Variants in LRRC37A2 observed in about 807,000 individuals in gnomAD.
LRRC37A2 encodes the protein leucine-rich repeat-containing protein 37A2.
A neutral mutation model predicts 68.8 loss-of-function variants in LRRC37A2; 9 were observed. That is an observed-to-expected ratio of 0.13 (90% confidence interval 0.08 to 0.23). The LOEUF (loss-of-function observed/expected upper bound fraction) is 0.23, where lower values mean the gene tolerates loss of function less well. Among genes scored for constraint, LRRC37A2 ranks in the 10% least tolerant of loss-of-function variants. The pLI is 1.00. For missense variants in LRRC37A2, 168 were observed against 950.4 expected (o/e 0.18, Z 10.82); for synonymous variants, 63 against 367.6 (o/e 0.17, Z 9.48).
chr17:46,872,574 G>C, the LRRC37A2 span: 41 of 1,599,990 alleles, frequency 2.6e-5, no homozygotes, highest in Non-Finnish European at 3.2e-5. Flanking sequence ...CGGCAGCCCC[G>C]GCACAGGGCG....
the LRRC37A2 span, among the ~76,000 whole-genome samples, chr17:46,739,808 C>T: frequency 2.0e-5 from 3 of 152,020 alleles, no homozygotes; most frequent in Non-Finnish European, 4.4e-5. Flanking sequence ...AAGCAATTCT[C>T]ATGCCTCAGC....
the LRRC37A2 span, among the ~76,000 whole-genome samples, chr17:46,413,337 TA>T: frequency 2.2e-4 from 16 of 74,166 alleles, no homozygotes; most frequent in African/African-American, 3.3e-4. Context: ...CTTTAAAACT[TA>T]AAAAAAAATT....
chr17:46,955,185 G>A, the LRRC37A2 span, among the ~76,000 whole-genome samples: 7 of 151,200 alleles, frequency 4.6e-5, no homozygotes, highest in East Asian at 1.9e-4. Flanking sequence ...TTTGAGATAC[G>A]TCCCATCAAT....
At chr17:46,537,161 CTTT>C (rs1212155417) in intron 6 of LRRC37A2, among the ~76,000 whole-genome samples, 13 of 7,774 alleles carry the variant, frequency 1.7e-3, no homozygotes, top group Admixed American at 3.7e-3. Flanking sequence ...TTGGATGTCT[CTTT>C]TTTTTTTTTT....
the LRRC37A2 span, among the ~76,000 whole-genome samples, chr17:46,731,991 T>A: frequency 1.3e-5 from 2 of 152,220 alleles, no homozygotes; most frequent in Non-Finnish European, 2.9e-5. Flanking sequence ...TATTAGTCAT[T>A]GTAAAATGGA....
the LRRC37A2 span, among the ~76,000 whole-genome samples, chr17:46,972,093 T>C: frequency 6.4e-4 from 8 of 12,590 alleles, no homozygotes; most frequent in Admixed American, 4.4e-3. Flanking sequence ...CCCCGCTTTA[T>C]GTTCTATAGA....
the LRRC37A2 span, among the ~76,000 whole-genome samples, chr17:46,851,988 G>C: frequency 6.6e-6 from 1 of 152,128 alleles, no homozygotes; most frequent in Admixed American, 6.5e-5. This position sits in a 1 kb window ranked among gnomAD's most constrained non-coding sequence, Gnocchi z 4.3. Context: ...GCCGGGTCTC[G>C]GACTCTGCGC....
At chr17:46,964,032 C>T in the LRRC37A2 span, 2 of 152,382 alleles carry the variant, frequency 1.3e-5, no homozygotes, top group Admixed American at 6.5e-5. Context: ...AGGCTGATCT[C>T]AAACTCCTGA....
At chr17:46,908,250 G>A in the LRRC37A2 span, among the ~76,000 whole-genome samples, 2 of 147,226 alleles carry the variant, frequency 1.4e-5, no homozygotes, top group African/African-American at 2.4e-5. Flanking sequence ...GTCAGGACAC[G>A]TTGGCCTCAT....
the LRRC37A2 span, among the ~76,000 whole-genome samples, chr17:46,738,373 C>G: frequency 6.6e-6 from 1 of 152,156 alleles, no homozygotes; most frequent in Non-Finnish European, 1.5e-5. Context: ...TTCATTTTTT[C>G]TAAATGACTG....
chr17:46,855,400 A>T, the LRRC37A2 span, among the ~76,000 whole-genome samples: 3 of 152,210 alleles, frequency 2.0e-5, no homozygotes, highest in African/African-American at 7.2e-5. Flanking sequence ...TGGCAGTGGG[A>T]CAGGAGGCGG....
At chr17:46,890,889 C>A in the LRRC37A2 span, among the ~76,000 whole-genome samples, 6 of 152,156 alleles carry the variant, frequency 3.9e-5, no homozygotes, top group Non-Finnish European at 8.8e-5. Context: ...TTCAGTGGGC[C>A]TGGTATTGAG....
the LRRC37A2 span, chr17:46,978,553 A>G: frequency 1.6e-5 from 23 of 1,436,240 alleles, no homozygotes; most frequent in South Asian, 3.1e-4. Flanking sequence ...GCCCGCCCGG[A>G]GGCGGCGGCA....
At chr17:46,770,044 G>C in the LRRC37A2 span, 2 of 1,546,146 alleles carry the variant, frequency 1.3e-6, no homozygotes, top group East Asian at 2.4e-5. Flanking sequence ...CCGACTCGCG[G>C]GTGGCTGCGG....
the LRRC37A2 span, among the ~76,000 whole-genome samples, chr17:46,742,152 A>G: frequency 2.6e-5 from 4 of 152,338 alleles, no homozygotes; most frequent in East Asian, 7.7e-4. Context: ...ATAGCTAATC[A>G]ATTGATTAAA....
chr17:47,006,079 G>A, the LRRC37A2 span, among the ~76,000 whole-genome samples: 1 of 152,198 alleles, frequency 6.6e-6, no homozygotes, highest in Non-Finnish European at 1.5e-5. Flanking sequence ...GCCTGAGGCA[G>A]GAGAATTGCT....
chr17:46,919,878 C>CGG, the LRRC37A2 span, among the ~76,000 whole-genome samples: 7 of 152,006 alleles, frequency 4.6e-5, no homozygotes, highest in South Asian at 6.3e-4. Context: ...ACCCAGGAGG[C>CGG]GGAGGTTGCA....
At chr17:46,955,246 A>G in the LRRC37A2 span, among the ~76,000 whole-genome samples, 362 of 152,124 alleles carry the variant, frequency 2.4e-3, 3 homozygotes, top group Middle Eastern at 6.8e-3. Context: ...ATTTTGTCAA[A>G]GGCCTTTTCT....
chr17:46,935,098 G>T, the LRRC37A2 span: 2 of 1,613,150 alleles, frequency 1.2e-6, no homozygotes, highest in East Asian at 2.2e-5. Context: ...AGTTCACAAC[G>T]GCATGGATGA....
Sources: allele counts gnomAD v4.1 joint callset (sites outside exome capture counted in the v4.1 genomes callset), GRCh38; gene constraint gnomAD v4.1.1; non-coding constraint Gnocchi (gnomAD v3.1); transcripts MANE v1.5; gene names NCBI Gene and HGNC (gene_info 2026-07-23, HGNC 2026-07-21).